TENM3: variants seen among roughly 807,000 people sequenced by gnomAD.
The protein encoded by TENM3 is teneurin-3.
A neutral mutation model predicts 255.1 loss-of-function variants in TENM3; 63 were observed. That is an observed-to-expected ratio of 0.25 (90% CI 0.20 to 0.30). The LOEUF is 0.30. Among genes scored for constraint, TENM3 ranks in the 10% least tolerant of loss-of-function variants. TENM3 has a pLI of 1.00. For synonymous variants in TENM3, 1,306 were observed against 1,322.3 expected (o/e 0.99, Z 0.27); for missense variants, 2,929 against 3,461.1 (o/e 0.85, Z 3.86).
Position 182,754,650 on chromosome 4 carries a change from G to A in TENM3, c.4283G>A (p.Arg1428Gln), listed in dbSNP as rs200031135. 583 of 1,613,976 alleles carry A rather than the reference G, an allele frequency of 3.6e-4. No individual in the cohort carries two copies. The highest frequency in any genetic ancestry group is 9.9e-4 in the Middle Eastern group (6 of 6,062). The part of the protein sequence containing the change: ...ITETDEKKIN[R>Q]IRQVTTDGEI... Reference sequence around the variant, plus strand: ...GAAACTGATGAGAAGAAAATTAACCGGATAAGGCAGGTCACAACAGATGGA... The same window carrying A: ...GAAACTGATGAGAAGAAAATTAACCAGATAAGGCAGGTCACAACAGATGGA... Residue 1428 changes from arginine to glutamine, a missense_variant, in exon 22 of 28, where the codon CGG becomes CAG. Coordinates refer to ENST00000511685, the MANE Select transcript of TENM3 (RefSeq NM_001080477.4). This position sits in a 1 kb window ranked among gnomAD's most constrained non-coding sequence, Gnocchi z 5.1.
intron 13 of TENM3, among the ~76,000 whole-genome samples, chr4:182,715,888 C>T (rs982097324): frequency 2.0e-5 from 3 of 152,196 alleles, no homozygotes; most frequent in African/African-American, 7.2e-5. Context: ...GCAGACTGTT[C>T]ACTGTTTTCT....
At chr4:181,874,289 T>G in the TENM3 span, 1 of 152,240 alleles carries the variant, frequency 6.6e-6, no homozygotes, top group Non-Finnish European at 1.5e-5. Context: ...TCTTTATTTT[T>G]TATCTACTTA....
At chr4:181,808,444 A>T in the TENM3 span, among the ~76,000 whole-genome samples, 2 of 152,186 alleles carry the variant, frequency 1.3e-5, no homozygotes, top group Admixed American at 6.5e-5. Flanking sequence ...ATAGGAAAAA[A>T]ATTCTAGTAG....
chr4:181,765,790 G>C, the TENM3 span, among the ~76,000 whole-genome samples: 1 of 152,204 alleles, frequency 6.6e-6, no homozygotes, highest in African/African-American at 2.4e-5. Flanking sequence ...CAATCTTGGA[G>C]GGAAAAGGTT....
chr4:182,098,247 A>G, the TENM3 span, among the ~76,000 whole-genome samples: 8 of 152,198 alleles, frequency 5.3e-5, no homozygotes, highest in Admixed American at 5.2e-4. Context: ...AATGTAAATT[A>G]ATACAGCCAG....
chr4:181,839,974 G>T, the TENM3 span, among the ~76,000 whole-genome samples: 2 of 151,870 alleles, frequency 1.3e-5, no homozygotes, highest in African/African-American at 2.4e-5. Context: ...TTTAAATGTT[G>T]CTTCAGTCAT....
chr4:181,478,437 G>T, the TENM3 span, among the ~76,000 whole-genome samples: 1 of 152,096 alleles, frequency 6.6e-6, no homozygotes, highest in Non-Finnish European at 1.5e-5. Flanking sequence ...ACTCGATCAC[G>T]CTCCTACTGC....
At chr4:182,165,511 A>C (rs1009246585) in intron 1 of TENM3, among the ~76,000 whole-genome samples, 1 of 152,204 alleles carries the variant, frequency 6.6e-6, no homozygotes, top group Admixed American at 6.5e-5. Flanking sequence ...CTAGAGAGCT[A>C]TCTGAGTCAG....
chr4:182,615,042 A>ATACATATATAT (rs1553999648), intron 4 of TENM3, among the ~76,000 whole-genome samples: 2 of 57,462 alleles, frequency 3.5e-5, no homozygotes, highest in African/African-American at 8.9e-5. Context: ...AAAAAAAAAA[A>ATACATATATAT]ATACATATAT....
chr4:182,656,652 C>T (rs1454135436), intron 6 of TENM3, among the ~76,000 whole-genome samples: 1 of 152,174 alleles, frequency 6.6e-6, no homozygotes, highest in Non-Finnish European at 1.5e-5. Flanking sequence ...GAACAAAGCT[C>T]ACTAGGAGAA....
chr4:181,969,798 A>G, the TENM3 span, among the ~76,000 whole-genome samples: 2 of 152,250 alleles, frequency 1.3e-5, no homozygotes, highest in Admixed American at 1.3e-4. Flanking sequence ...CTCATTTTGC[A>G]GAAATCTCAC....
chr4:182,397,255 G>T (rs1768893304), intron 3 of TENM3, among the ~76,000 whole-genome samples: 1 of 150,640 alleles, frequency 6.6e-6, no homozygotes, highest in African/African-American at 2.4e-5. Context: ...AATCAAATTA[G>T]CTGGGTGTGG....
At chr4:181,649,022 T>A in the TENM3 span, among the ~76,000 whole-genome samples, 1 of 152,308 alleles carries the variant, frequency 6.6e-6, no homozygotes, top group African/African-American at 2.4e-5. Flanking sequence ...CTTCAAAAAA[T>A]ATTGTTATTA....
Position 182,586,222 on chromosome 4 carries a change from A to G in TENM3, c.512-14702A>G, listed in dbSNP as rs149333841. ...CAGTGAGCTATGATCACAGTACTGT[A>G]CTCCAGCCTGGGCAACACAGCAAGA... On this transcript the variant is annotated intron_variant, in intron 3 of 27. Transcript: ENST00000511685. 1.9e-3 allele frequency among the ~76,000 whole-genome samples: 284 copies of G among 152,212 alleles called. 1 individual carries two copies. In the Middle Eastern group the frequency reaches 0.02, roughly 11 times the overall value.
chr4:182,001,502 TAAG>T, the TENM3 span, among the ~76,000 whole-genome samples: 1 of 152,202 alleles, frequency 6.6e-6, no homozygotes, highest in East Asian at 1.9e-4. Context: ...CCAAACAACA[TAAG>T]AAACCAAAAT....
the TENM3 span, among the ~76,000 whole-genome samples, chr4:181,888,516 G>GTGTATATATATATATATATA: frequency 3.9e-4 from 16 of 41,508 alleles, 2 homozygotes; most frequent in East Asian, 9.2e-3. Flanking sequence ...ATATATATAT[G>GTGTATATATATATATATATA]TATATATATA....
At chr4:182,244,226 T>G (rs1373130742) in intron 1 of TENM3, among the ~76,000 whole-genome samples, 1 of 151,970 alleles carries the variant, frequency 6.6e-6, no homozygotes, top group Admixed American at 6.6e-5. Flanking sequence ...GTGCTGGGAT[T>G]ACAGGCGTGA....
the TENM3 span, among the ~76,000 whole-genome samples, chr4:181,529,391 C>T: frequency 2.6e-5 from 4 of 152,316 alleles, no homozygotes; most frequent in Admixed American, 1.3e-4. Flanking sequence ...GAAGGAAGAG[C>T]TGCTCAATTC....
At chr4:182,007,678 A>G in the TENM3 span, among the ~76,000 whole-genome samples, 2 of 152,006 alleles carry the variant, frequency 1.3e-5, no homozygotes, top group South Asian at 4.1e-4. Context: ...ATCTTATCCA[A>G]TTTGCCAGTC....
Sources: gnomAD v4.1 joint callset for allele counts (sites outside exome capture counted in the v4.1 genomes callset) on GRCh38, gnomAD v4.1.1 for gene constraint, Gnocchi (gnomAD v3.1) non-coding constraint, MANE v1.5 for transcripts, NCBI Gene and HGNC (gene_info 2026-07-23, HGNC 2026-07-21) for gene names.